The following GSAP variants were observed in gnomAD, a reference collection of about 807,000 sequenced individuals.
GSAP encodes the protein gamma-secretase activating protein.
In GSAP, 118 loss-of-function variants were observed where a neutral mutation model predicts 131.7. The ratio of observed to expected loss-of-function variants is 0.90; its 90% CI spans 0.77 to 1.04. The LOEUF (loss-of-function observed/expected upper bound fraction) is 1.04, where lower values mean the gene tolerates loss of function less well. Among genes scored for constraint, GSAP ranks in the 50% least tolerant of loss-of-function variants. The pLI is 0.00. For missense variants in GSAP, 1,019 were observed against 1,013.2 expected (o/e 1.01, Z -0.08); for synonymous variants, 381 against 363.4 (o/e 1.05, Z -0.55).
chr7:77,375,604 G>T (rs1796728796), intron 10 of GSAP, among the ~76,000 whole-genome samples: 1 of 152,098 alleles, frequency 6.6e-6, no homozygotes. Flanking sequence ...CAGAACTTTG[G>T]GAGGCCAAGG....
chr7:77,416,615 T>G (rs1804517019), upstream of GSAP: 2 of 284,600 alleles, frequency 7.0e-6, no homozygotes, highest in East Asian at 1.3e-4. Flanking sequence ...GCGCGCACCT[T>G]CGGGGCTGAG....
upstream of GSAP, chr7:77,416,390 C>A: frequency 1.3e-6 from 1 of 764,458 alleles, no homozygotes; most frequent in Non-Finnish European, 1.9e-6. Context: ...CGCGTGGCCG[C>A]CTCGCCCTCG....
chr7:77,402,864 A>G (rs1358782267), intron 3 of GSAP, among the ~76,000 whole-genome samples: 1 of 152,040 alleles, frequency 6.6e-6, no homozygotes, highest in African/African-American at 2.4e-5. Flanking sequence ...TAACTTTCAC[A>G]TTTTGGAATT....
chr7:77,312,185 A>C lies in GSAP; in HGVS notation c.2289T>G (p.Ile763Met). Reference protein sequence around the residue: ...VRLPPLIGQKICRLWDHPMSS... With the variant: ...VRLPPLIGQKMCRLWDHPMSS... ...TCATAGGATGATCCCAAAGTCTACAAATCTTCTGCCCAATAAGCTATTATG... is the reference window on the plus strand; with the variant it reads ...TCATAGGATGATCCCAAAGTCTACACATCTTCTGCCCAATAAGCTATTATG... The change falls in exon 29 of 31, where the codon ATT becomes ATG. Residue 763 changes from isoleucine to methionine, a missense_variant. By Grantham distance (10) the Ile-to-Met change is conservative. Transcript: ENST00000257626. 3.1e-6 allele frequency: 5 copies of C among 1,595,518 alleles called. No individual in the cohort carries two copies. The highest frequency in any genetic ancestry group is 3.4e-6 in the Non-Finnish European group (4 of 1,171,922).
intron 26 of GSAP, 70 bp from the exon 27 acceptor site, chr7:77,314,559 GATC>G: frequency 2.5e-6 from 4 of 1,573,402 alleles, no homozygotes; most frequent in African/African-American, 1.4e-5. Flanking sequence ...GAATGGATTA[GATC>G]ATGTTAATAA....
intron 14 of GSAP, among the ~76,000 whole-genome samples, chr7:77,356,510 C>T (rs947569449): frequency 7.9e-5 from 12 of 152,054 alleles, no homozygotes; most frequent in African/African-American, 2.9e-4. Flanking sequence ...ACCTTTAAAT[C>T]GATATTCATC....
At chr7:77,402,601 A>G (rs1258393956) in intron 3 of GSAP, among the ~76,000 whole-genome samples, 1 of 141,664 alleles carries the variant, frequency 7.1e-6, no homozygotes, top group Non-Finnish European at 1.5e-5. Context: ...CTCAAAAAAA[A>G]AAAAAAAAAA....
At chr7:77,385,868 T>A (rs1798493435) in intron 6 of GSAP, among the ~76,000 whole-genome samples, 1 of 152,202 alleles carries the variant, frequency 6.6e-6, no homozygotes, top group South Asian at 2.1e-4. Flanking sequence ...CTTTGAGTGG[T>A]GCAAATTGAC....
intron 8 of GSAP, among the ~76,000 whole-genome samples, chr7:77,379,054 A>AAGAGGAAAGTGATGCC: frequency 6.6e-6 from 1 of 152,292 alleles, no homozygotes; most frequent in Middle Eastern, 3.4e-3. Flanking sequence ...ATATTTAGAC[A>AAGAGGAAAGTGATGCC]AGAGGAAAGT....
intron 26 of GSAP, among the ~76,000 whole-genome samples, chr7:77,319,794 C>T (rs907427680): frequency 6.6e-6 from 1 of 152,192 alleles, no homozygotes; most frequent in Non-Finnish European, 1.5e-5. Flanking sequence ...AGGACAGATA[C>T]TGCATGATTC....
intron 5 of GSAP, among the ~76,000 whole-genome samples, chr7:77,388,683 G>A (rs1361969941): frequency 6.6e-6 from 1 of 152,194 alleles, no homozygotes; most frequent in Non-Finnish European, 1.5e-5. Context: ...AAAATTTGGG[G>A]ATGGCACAGA....
chr7:77,360,973 G>T, intron 13 of GSAP, 72 bp from the exon 14 acceptor site: 1 of 825,486 alleles, frequency 1.2e-6, no homozygotes, highest in Non-Finnish European at 2.1e-6. Context: ...CAGTGACTAT[G>T]TAACACACTA....
intron 19 of GSAP, among the ~76,000 whole-genome samples, chr7:77,337,308 G>C (rs1315859995): frequency 6.7e-6 from 1 of 150,196 alleles, no homozygotes; most frequent in South Asian, 2.1e-4. Context: ...GGGTGGGGGG[G>C]GGGTTACAGG....
chr7:77,351,441 T>G, intron 18 of GSAP: 1 of 975,598 alleles, frequency 1.0e-6, no homozygotes. Context: ...TTAAGAACAT[T>G]TGCAGATAAG....
intron 1 of GSAP, among the ~76,000 whole-genome samples, chr7:77,413,745 G>A (rs1440894907): frequency 6.6e-6 from 1 of 152,126 alleles, no homozygotes; most frequent in African/African-American, 2.4e-5. Flanking sequence ...AACCTAGGAG[G>A]TGAGGATGAG....
At position 77,311,301 on chromosome 7, in the gene GSAP, G is replaced by T; in HGVS notation, c.*57C>A. 1 of 968,698 alleles carries T rather than the reference G, an allele frequency of 1.0e-6. No homozygotes were observed. 60.0% of individuals were successfully genotyped at this position (968,698 alleles called of 1,614,324 possible). ...ATATTGTTAAAGAATTCTCAAAGGAGTAAGGTTAATGAGCAAGATTAAAAT... is the reference window on the plus strand; with the variant it reads ...ATATTGTTAAAGAATTCTCAAAGGATTAAGGTTAATGAGCAAGATTAAAAT... On this transcript the variant is annotated 3_prime_UTR_variant, in exon 31 of 31. Transcript: ENST00000257626.
intron 27 of GSAP, 102 bp downstream of exon 27, chr7:77,314,268 G>T: frequency 8.2e-7 from 1 of 1,221,438 alleles, no homozygotes; most frequent in Non-Finnish European, 1.2e-6. Flanking sequence ...TCTTCTGAGT[G>T]CAGCCAGGCT....
chr7:77,313,595 G>T, intron 27 of GSAP, 46 bp from the exon 28 acceptor site: 3 of 904,974 alleles, frequency 3.3e-6, no homozygotes, highest in South Asian at 2.8e-5. Flanking sequence ...TACCCATTTT[G>T]ATACTTTAGC....
At chr7:77,398,875 A>G (rs1800859291) in intron 3 of GSAP, among the ~76,000 whole-genome samples, 2 of 152,242 alleles carry the variant, frequency 1.3e-5, no homozygotes, top group Admixed American at 1.3e-4. Flanking sequence ...ATGCACTTAT[A>G]TTACACAGTT....
Sources: allele counts gnomAD v4.1 joint callset (sites outside exome capture counted in the v4.1 genomes callset), GRCh38; gene constraint gnomAD v4.1.1; transcripts MANE v1.5; gene names NCBI Gene and HGNC (gene_info 2026-07-23, HGNC 2026-07-21).